Variants in MBNL1 observed in about 807,000 individuals in gnomAD.
MBNL1 encodes muscleblind-like protein 1.
Under a neutral mutation model 42.2 loss-of-function variants are expected in MBNL1, and 8 were observed. The ratio of observed to expected loss-of-function variants is 0.19; its 90% CI spans 0.11 to 0.34. The LOEUF (loss-of-function observed/expected upper bound fraction) is 0.34, where lower values mean the gene tolerates loss of function less well. Among genes scored for constraint, MBNL1 ranks in the 10% least tolerant of loss-of-function variants. The probability of loss-of-function intolerance (pLI) is 1.00; values close to 1 mark genes in which losing one functional copy is unlikely to be tolerated. For missense variants in MBNL1, 309 were observed against 495.3 expected, an observed-to-expected ratio of 0.62 and a Z score of 3.57; for synonymous variants, 169 against 173.9, an observed-to-expected ratio of 0.97 and a Z score of 0.22.
At chr3:152,366,051 TGAA>T (rs2096345027) in intron 2 of MBNL1, among the ~76,000 whole-genome samples, 3 of 152,148 alleles carry the variant, frequency 2.0e-5, no homozygotes, top group African/African-American at 7.2e-5. Context: ...ATCTCCAGAA[TGAA>T]GTAGTTGGCT....
chr3:152,279,235 C>T (rs574147313), intron 1 of MBNL1, among the ~76,000 whole-genome samples: 9 of 152,108 alleles, frequency 5.9e-5, no homozygotes, highest in Admixed American at 3.3e-4. Flanking sequence ...TGAATTGGGC[C>T]GGTGAGTCAG....
At chr3:152,306,730 C>T (rs1408813140) in intron 2 of MBNL1, among the ~76,000 whole-genome samples, 1 of 152,054 alleles carries the variant, frequency 6.6e-6, no homozygotes, top group Non-Finnish European at 1.5e-5. Context: ...AGGGCCATTT[C>T]TGGAATAAAA....
chr3:152,305,690 T>C (rs970659872), intron 2 of MBNL1, among the ~76,000 whole-genome samples: 8 of 152,172 alleles, frequency 5.3e-5, no homozygotes, highest in African/African-American at 1.7e-4. Context: ...TGGAAAGGCT[T>C]GATAGAAATT....
At chr3:152,256,563 A>G (rs2035470526) in intron 2 of MBNL1, among the ~76,000 whole-genome samples, 1 of 152,166 alleles carries the variant, frequency 6.6e-6, no homozygotes, top group Non-Finnish European at 1.5e-5. Flanking sequence ...TTCCATGGTA[A>G]TTATATTCCC....
chr3:152,315,870 T>A (rs13088707), intron 2 of MBNL1, among the ~76,000 whole-genome samples: 40,463 of 106,298 alleles, frequency 0.38, 5,749 homozygotes, highest in Middle Eastern at 0.47. Flanking sequence ...ACACACACTC[T>A]CTCTCTCTCT....
chr3:152,276,371 G>A (rs2045219834), intron 1 of MBNL1, among the ~76,000 whole-genome samples: 1 of 152,098 alleles, frequency 6.6e-6, no homozygotes, highest in Non-Finnish European at 1.5e-5. Flanking sequence ...GGGAACTGAA[G>A]CACAGACAAG....
In MBNL1 at chr3:152,285,846, A is replaced by G. The variant is rs145466980; in HGVS notation, c.-789-13559A>G. On this transcript the variant is annotated intron_variant, in intron 1 of 9. Transcript: ENST00000324210. Reference sequence around the variant, plus strand: ...ACTGTGTTGTTCAGGCTGGTCTCGAACTCTTGGGCTCAAGCAGTACTCCCG... The same window carrying G: ...ACTGTGTTGTTCAGGCTGGTCTCGAGCTCTTGGGCTCAAGCAGTACTCCCG... Among the ~76,000 whole-genome samples the G allele has an allele frequency of 2.3e-3, 351 of 151,006 alleles. 1 individual carries two copies. Among genetic ancestry groups the G allele is most frequent in the African/African-American group, 8.2e-3 (335 of 41,068 alleles).
intron 2 of MBNL1, among the ~76,000 whole-genome samples, chr3:152,363,286 G>C (rs1480779648): frequency 6.6e-6 from 1 of 152,088 alleles, no homozygotes; most frequent in Non-Finnish European, 1.5e-5. Flanking sequence ...GCTGTTATGG[G>C]ATTTTATGTG....
At chr3:152,324,110 C>T (rs1195586499) in intron 2 of MBNL1, among the ~76,000 whole-genome samples, 1 of 152,102 alleles carries the variant, frequency 6.6e-6, no homozygotes, top group African/African-American at 2.4e-5. Flanking sequence ...AGGGAGAAAT[C>T]GTTTAGCAGG....
intron 2 of MBNL1, among the ~76,000 whole-genome samples, chr3:152,412,426 T>G (rs1489055547): frequency 1.3e-5 from 2 of 151,986 alleles, no homozygotes; most frequent in Admixed American, 6.6e-5. Flanking sequence ...TGTGGGAGAG[T>G]CTTGGTAGTC....
chr3:152,330,043 G>A (rs780428952), intron 2 of MBNL1, among the ~76,000 whole-genome samples: 2 of 152,086 alleles, frequency 1.3e-5, no homozygotes, highest in Admixed American at 1.3e-4. Context: ...GTGTGTGTAT[G>A]TGTGTTTATT....
At chr3:152,440,459 T>TAA (rs1030584945) in intron 4 of MBNL1, among the ~76,000 whole-genome samples, 1 of 152,120 alleles carries the variant, frequency 6.6e-6, no homozygotes, top group Non-Finnish European at 1.5e-5. Context: ...CACAGGGACA[T>TAA]AACCCTTTTA....
chr3:152,324,797 C>T (rs549507103), intron 2 of MBNL1, among the ~76,000 whole-genome samples: 5 of 151,886 alleles, frequency 3.3e-5, no homozygotes, highest in South Asian at 4.2e-4. Context: ...ATCTGTAAGA[C>T]GGGGATGATA....
At chr3:152,273,226 A>C (rs2042935154) in intron 1 of MBNL1, among the ~76,000 whole-genome samples, 1 of 152,222 alleles carries the variant, frequency 6.6e-6, no homozygotes, top group Non-Finnish European at 1.5e-5. Flanking sequence ...ATTCAAGAAG[A>C]GCTATTGGCA....
chr3:152,382,998 G>A (rs544079339), intron 2 of MBNL1, among the ~76,000 whole-genome samples: 89 of 152,188 alleles, frequency 5.8e-4, no homozygotes, highest in African/African-American at 2.1e-3. Context: ...AGGAAGACCT[G>A]CCTGATTCCG....
rs1213612921 is a variant in MBNL1, at chr3:152,373,255, T to C, written c.175-41686T>C. Reference sequence around the variant, plus strand: ...TGGGCTCTGTGGCGGTGGGATCCACTGATCCACTTGGCTCCCTGGCTTCAG... The same window carrying C: ...TGGGCTCTGTGGCGGTGGGATCCACCGATCCACTTGGCTCCCTGGCTTCAG... On this transcript the variant is annotated intron_variant, in intron 2 of 9. Transcript: ENST00000324210. Among the ~76,000 whole-genome samples the C allele has an allele frequency of 3.3e-5, 5 of 150,490 alleles. No homozygotes were observed. The Admixed American group carries it at 3.3e-4, about 10-fold the overall frequency.
chr3:152,384,995 G>A (rs529692818), intron 2 of MBNL1, among the ~76,000 whole-genome samples: 22 of 151,900 alleles, frequency 1.4e-4, no homozygotes, highest in Non-Finnish European at 2.8e-4. Context: ...AAATAGCTAT[G>A]GTGTAATTTT....
At chr3:152,380,165 C>T (rs1157976347) in intron 2 of MBNL1, among the ~76,000 whole-genome samples, 8 of 152,012 alleles carry the variant, frequency 5.3e-5, no homozygotes. Context: ...TGGAAAGTCT[C>T]CTTTTGTTAC....
intron 2 of MBNL1, among the ~76,000 whole-genome samples, chr3:152,351,981 A>C (rs1293231975): frequency 6.6e-6 from 1 of 152,182 alleles, no homozygotes; most frequent in Non-Finnish European, 1.5e-5. Context: ...TTTTTCACAA[A>C]TGATCGATAA....
Sources: allele counts gnomAD v4.1 joint callset (sites outside exome capture counted in the v4.1 genomes callset), GRCh38; gene constraint gnomAD v4.1.1; transcripts MANE v1.5; gene names NCBI Gene and HGNC (gene_info 2026-07-23, HGNC 2026-07-21).